NLGN1: variants seen among roughly 807,000 people sequenced by gnomAD.
NLGN1 encodes neuroligin 1, also known as neuroligin-1.
A neutral mutation model predicts 65.5 loss-of-function variants in NLGN1; 12 were observed. The observed-to-expected ratio is 0.18, with a 90% CI of 0.12 to 0.30. NLGN1 has a LOEUF of 0.30. Among genes scored for constraint, NLGN1 ranks in the 10% least tolerant of loss-of-function variants. The pLI, the probability that NLGN1 is intolerant of heterozygous loss-of-function variation, is 1.00. For missense variants in NLGN1, 750 were observed against 1,007.1 expected, an observed-to-expected ratio of 0.74 and a Z score of 3.46; for synonymous variants, 350 against 359.5, an observed-to-expected ratio of 0.97 and a Z score of 0.30.
intron 2 of NLGN1, among the ~76,000 whole-genome samples, chr3:173,533,449 G>T (rs1466286720): frequency 6.6e-6 from 1 of 152,098 alleles, no homozygotes; most frequent in Non-Finnish European, 1.5e-5. Context: ...CCATGAGTAT[G>T]CAGGCAACTC....
At chr3:174,131,352 G>A (rs1441923125) in intron 4 of NLGN1, among the ~76,000 whole-genome samples, 16 of 151,994 alleles carry the variant, frequency 1.1e-4, no homozygotes, top group Non-Finnish European at 2.4e-4. Flanking sequence ...TTCACACATA[G>A]TCCTTAGTTC....
At chr3:173,454,986 G>A (rs1179764475) in intron 2 of NLGN1, among the ~76,000 whole-genome samples, 5 of 152,066 alleles carry the variant, frequency 3.3e-5, no homozygotes, top group African/African-American at 7.2e-5. Flanking sequence ...AGGCAGGAGC[G>A]GAAGGAGAGA....
chr3:173,821,263 G>A (rs1720236084), intron 4 of NLGN1, among the ~76,000 whole-genome samples: 1 of 152,026 alleles, frequency 6.6e-6, no homozygotes, highest in South Asian at 2.1e-4. Context: ...TCTGAGCTTT[G>A]AAAAAAGCCA....
At chr3:173,702,806 C>T (rs920138658) in intron 3 of NLGN1, among the ~76,000 whole-genome samples, 8 of 152,280 alleles carry the variant, frequency 5.3e-5, no homozygotes, top group East Asian at 3.9e-4. Context: ...AAGACTCCTC[C>T]GCTTCCCTGT....
In NLGN1 at chr3:173,781,144, C is replaced by CAAAA. The variant is rs769716428; in HGVS notation, c.494-26527_494-26524dup. On this transcript the variant is annotated intron_variant, in intron 3 of 6. Coordinates refer to ENST00000457714, the Ensembl canonical transcript of NLGN1. ...TGGGCTACAGAGCGAGACTCCGTCT[C>CAAAA]AAAAAAAAAAAAGTAAATATTGAAG... is the stretch of plus-strand genomic sequence containing the variant. 8.7e-5 allele frequency among the ~76,000 whole-genome samples: 7 copies of CAAAA among 80,398 alleles called. No individual in the cohort carries two copies. In the South Asian group the frequency reaches 1.5e-3, roughly 17 times the overall value. 52.7% of individuals were successfully genotyped at this position (80,398 alleles called of 152,430 possible).
At chr3:173,622,805 G>A (rs1039626659) in intron 3 of NLGN1, among the ~76,000 whole-genome samples, 2 of 152,040 alleles carry the variant, frequency 1.3e-5, no homozygotes, top group Non-Finnish European at 2.9e-5. Flanking sequence ...TTTCCACAAT[G>A]TGATTCCAAT....
At chr3:173,525,065 TG>T (rs1735399993) in intron 2 of NLGN1, among the ~76,000 whole-genome samples, 1 of 152,166 alleles carries the variant, frequency 6.6e-6, no homozygotes, top group East Asian at 1.9e-4. Flanking sequence ...AGAGGGTTGC[TG>T]GTTTTATAGA....
At chr3:173,588,434 A>G (rs1747876736) in intron 2 of NLGN1, among the ~76,000 whole-genome samples, 1 of 152,198 alleles carries the variant, frequency 6.6e-6, no homozygotes, top group Non-Finnish European at 1.5e-5. Flanking sequence ...TCATCCCCCA[A>G]ACAAAGTAAA....
At chr3:174,024,422 G>GA (rs1430028031) in intron 4 of NLGN1, among the ~76,000 whole-genome samples, 1 of 152,078 alleles carries the variant, frequency 6.6e-6, no homozygotes, top group African/African-American at 2.4e-5. Context: ...CTGCTATGTC[G>GA]AATCAATTAT....
intron 2 of NLGN1, among the ~76,000 whole-genome samples, chr3:173,442,444 C>A (rs557528862): frequency 1.0e-3 from 156 of 152,166 alleles, no homozygotes; most frequent in Non-Finnish European, 1.9e-3. Flanking sequence ...CTGAATCCAG[C>A]CAAAAATAAT....
At chr3:174,167,885 G>A (rs1043549524) in intron 4 of NLGN1, among the ~76,000 whole-genome samples, 4 of 151,608 alleles carry the variant, frequency 2.6e-5, no homozygotes, top group Admixed American at 2.0e-4. Flanking sequence ...TTTCTCAAAC[G>A]CTTTCCTCAG....
chr3:173,650,185 T>C (rs1320708474), intron 3 of NLGN1, among the ~76,000 whole-genome samples: 1 of 152,096 alleles, frequency 6.6e-6, no homozygotes, highest in Non-Finnish European at 1.5e-5. Context: ...ACCATGAATA[T>C]CCACTTCATT....
chr3:174,205,422 T>G (rs1418583776), intron 4 of NLGN1, among the ~76,000 whole-genome samples: 5 of 152,146 alleles, frequency 3.3e-5, no homozygotes, highest in Non-Finnish European at 7.4e-5. Flanking sequence ...TAATATAAAT[T>G]AAAAGTTTTA....
At chr3:173,704,446 G>C (rs950292687) in intron 3 of NLGN1, among the ~76,000 whole-genome samples, 1 of 152,034 alleles carries the variant, frequency 6.6e-6, no homozygotes, top group African/African-American at 2.4e-5. Flanking sequence ...AAATAATAGA[G>C]ACACTTTTCA....
At chr3:173,990,453 G>C (rs1197683486) in intron 4 of NLGN1, among the ~76,000 whole-genome samples, 1 of 152,126 alleles carries the variant, frequency 6.6e-6, no homozygotes, top group Non-Finnish European at 1.5e-5. Context: ...CAACTTATTT[G>C]AAATTTTTTG....
At chr3:173,908,479 G>A (rs1378488425) in intron 4 of NLGN1, among the ~76,000 whole-genome samples, 1 of 152,100 alleles carries the variant, frequency 6.6e-6, no homozygotes, top group Non-Finnish European at 1.5e-5. Context: ...CTGCATGAGA[G>A]AAGCTCAGAG....
At chr3:173,666,205 T>C (rs1367752976) in intron 3 of NLGN1, among the ~76,000 whole-genome samples, 1 of 152,094 alleles carries the variant, frequency 6.6e-6, no homozygotes, top group Non-Finnish European at 1.5e-5. Flanking sequence ...TATATATATA[T>C]AATTTTGAGT....
chr3:173,741,142 A>T (rs931814409), intron 3 of NLGN1, among the ~76,000 whole-genome samples: 4 of 152,146 alleles, frequency 2.6e-5, no homozygotes, highest in Non-Finnish European at 5.9e-5. Context: ...GTACATAAGT[A>T]TTACATCTTA....
At chr3:173,794,872 A>C (rs1461181240) in intron 3 of NLGN1, among the ~76,000 whole-genome samples, 1 of 152,090 alleles carries the variant, frequency 6.6e-6, no homozygotes, top group Admixed American at 6.6e-5. Flanking sequence ...ATGGTGAAAA[A>C]CTATTTTTTA....
Sources: allele counts gnomAD v4.1 joint callset (sites outside exome capture counted in the v4.1 genomes callset), GRCh38; gene constraint gnomAD v4.1.1; transcripts MANE v1.5; gene names NCBI Gene and HGNC (gene_info 2026-07-23, HGNC 2026-07-21).